The following BACE1 variants were observed in gnomAD, a reference collection of about 807,000 sequenced individuals.
BACE1 encodes APP beta-secretase.
BACE1 carries 21 observed loss-of-function variants against 54.0 expected under a neutral mutation model. The ratio of observed to expected loss-of-function variants is 0.39; its 90% CI spans 0.28 to 0.56. The LOEUF is 0.56. BACE1 is among the 20% of genes least tolerant of loss of function. The pLI is 0.63. For synonymous variants in BACE1, 232 were observed against 260.9 expected (o/e 0.89, Z 1.07); for missense variants, 511 against 661.2 (o/e 0.77, Z 2.49).
chr11:117,291,910 A>G (rs1350868349), intron 5 of BACE1, 97 bp from the exon 6 acceptor site: 6 of 807,942 alleles, frequency 7.4e-6, no homozygotes, highest in Non-Finnish European at 1.3e-5. Context: ...CTGGGTTGGC[A>G]TCTTGGCTTT....
intron 1 of BACE1, among the ~76,000 whole-genome samples, chr11:117,305,386 C>T (rs956023641): frequency 1.3e-5 from 2 of 152,186 alleles, no homozygotes; most frequent in African/African-American, 4.8e-5. Context: ...GTCCAGGTTC[C>T]TCCCACCTTG....
At chr11:117,314,593 A>T (rs1457328428) in intron 1 of BACE1, 1 of 152,522 alleles carries the variant, frequency 6.6e-6, no homozygotes, top group African/African-American at 2.4e-5. Context: ...GCATACACAG[A>T]ACCACAGGGC....
chr11:117,287,688 A>G lies in BACE1; in HGVS notation c.*1878T>C, dbSNP rs2034298842. The G allele has an allele frequency of 6.6e-6, 1 of 152,624 alleles. No homozygotes were observed. The highest frequency in any genetic ancestry group is 2.1e-4 in the South Asian group (1 of 4,834). 9.5% of individuals were successfully genotyped at this position (152,624 alleles called of 1,614,324 possible). ...GTTCTGAAAGTTTATTTACACAGTA[A>G]GTTCCGAGCTAGAAGTGGACAGTCT... On this transcript the variant is annotated 3_prime_UTR_variant, in exon 9 of 9. Coordinates refer to ENST00000313005, the MANE Select transcript of BACE1 (RefSeq NM_012104.6).
chr11:117,294,455 ACCT>A (rs2034544492), intron 3 of BACE1: 1 of 153,996 alleles, frequency 6.5e-6, no homozygotes, highest in Admixed American at 6.5e-5. Flanking sequence ...TGAACTTCTG[ACCT>A]CAGGTCATCC....
In BACE1 at chr11:117,289,535, G is replaced by A. The variant is rs369658783; in HGVS notation, c.*31C>T. 1.2e-6 allele frequency: 2 copies of A among 1,610,876 alleles called. No homozygotes were observed. The highest frequency in any genetic ancestry group is 2.7e-5 in the African/African-American group (2 of 74,856). ...AGTGAACCACGGAGGTGTGGTCCAGGGGAATCTCTATCTTCTGCCCATGGG... is the reference window on the plus strand; with the variant it reads ...AGTGAACCACGGAGGTGTGGTCCAGAGGAATCTCTATCTTCTGCCCATGGG... On this transcript the variant is annotated 3_prime_UTR_variant, in exon 9 of 9. Transcript: ENST00000313005.
In BACE1 at chr11:117,315,705, G is replaced by T. The variant is rs1453895083; in HGVS notation, c.91C>A (p.Arg31Ser). Reference sequence around the variant, plus strand: ...AGGGGGGCGCCCCCCAGGCCGCTGCGCAGGGGCAGCCGGATGCCGTGCTGG... The same window carrying T: ...AGGGGGGCGCCCCCCAGGCCGCTGCTCAGGGGCAGCCGGATGCCGTGCTGG... ...GTQHGIRLPL[R>S]SGLGGAPLGL... The change falls in exon 1 of 9, where the codon CGC becomes AGC. Residue 31 changes from arginine (R) to serine (S), a missense_variant. Coordinates refer to ENST00000313005, the MANE Select transcript of BACE1 (RefSeq NM_012104.6). This position sits in a 1 kb window ranked among gnomAD's most constrained non-coding sequence, Gnocchi z 5.5. 2.7e-6 allele frequency: 4 copies of T among 1,501,292 alleles called. No individual in the cohort carries two copies. The highest frequency in any genetic ancestry group is 1.3e-5 in the South Asian group (1 of 78,690). The allele number at this position is 1,501,292 out of a possible 1,614,324, so 93.0% of individuals were successfully genotyped here.
chr11:117,293,735 G>A lies in BACE1; in HGVS notation c.705+136C>T, dbSNP rs551952142. On this transcript the variant is annotated intron_variant, in intron 4 of 8. Transcript: ENST00000313005. This position sits in a 1 kb window ranked among gnomAD's most constrained non-coding sequence, Gnocchi z 4.1. ...GAAAAGAATGGAAAAATAAAGTAAG[G>A]GTAGGGAATATAAAGAGGTTCCTCC... 6 of 863,916 alleles carry A rather than the reference G, an allele frequency of 6.9e-6. No individual in the cohort carries two copies. The South Asian group carries it at 1.7e-4, about 24-fold the overall frequency. 53.5% of individuals were successfully genotyped at this position (863,916 alleles called of 1,614,324 possible).
At position 117,315,436 on chromosome 11, in the gene BACE1, C is replaced by G; in HGVS notation, c.261+99G>C. On this transcript the variant is annotated intron_variant, in intron 1 of 8. Transcript: ENST00000313005. The surrounding 1 kb of genome is among the most constrained non-coding windows in gnomAD (Gnocchi z 5.5). ...GGGGAGGGGTCCCTCCTGCTGTCCC[C>G]ACCAGCCCATTTGAGCAGGGGCTAG... 6.8e-7 allele frequency: 1 copy of G among 1,472,316 alleles called. No individual in the cohort carries two copies. Among genetic ancestry groups the G allele is most frequent in the Non-Finnish European group, 9.0e-7 (1 of 1,109,074 alleles). The allele number at this position is 1,472,316 out of a possible 1,614,324, so 91.2% of individuals were successfully genotyped here.
intron 1 of BACE1, among the ~76,000 whole-genome samples, chr11:117,300,433 C>G (rs912806078): frequency 2.6e-4 from 40 of 152,078 alleles, no homozygotes; most frequent in African/African-American, 9.0e-4. Context: ...CAGCCTTTTC[C>G]CCACCCCTGC....
At position 117,288,526 on chromosome 11, in the gene BACE1, G is replaced by T. The variant is rs2034324570; in HGVS notation, c.*1040C>A. The T allele has an allele frequency of 6.6e-6, 1 of 152,660 alleles. No individual in the cohort carries two copies. The highest frequency in any genetic ancestry group is 2.4e-5 in the African/African-American group (1 of 41,452). 9.5% of individuals were successfully genotyped at this position (152,660 alleles called of 1,614,324 possible). On this transcript the variant is annotated 3_prime_UTR_variant, in exon 9 of 9. Coordinates refer to ENST00000313005, the MANE Select transcript of BACE1 (RefSeq NM_012104.6). ...TTCCTTTTAGCACCTTGGCTGCAAA[G>T]CTCCAGAGGAAGATTTGGGGGAAAG...
In BACE1 at chr11:117,289,740, G is replaced by A. The variant is rs780113492; in HGVS notation, c.1332C>T (p.Gly444=). The A allele has an allele frequency of 1.2e-5, 19 of 1,614,102 alleles. No individual in the cohort carries two copies. In the Admixed American group the frequency reaches 3.2e-4, roughly 27 times the overall value. ...ACTCATCTGTCTGTGGAATGTTGTA[G>A]CCACAGTCTTCCATGTCCAAGGTGA... ...PFVTLDMEDC[G]YNIPQTDEST... The change falls in exon 9 of 9, where the codon GGC becomes GGT. Residue 444 remains glycine, a synonymous_variant. Coordinates refer to ENST00000313005, the MANE Select transcript of BACE1 (RefSeq NM_012104.6).
chr11:117,291,780 T>TG lies in BACE1; in HGVS notation c.873dup (p.Thr292HisfsTer12). The TG allele has an allele frequency of 6.2e-7, 1 of 1,613,328 alleles. No individual in the cohort carries two copies. The highest frequency in any genetic ancestry group is 8.5e-7 in the Non-Finnish European group (1 of 1,179,438). On this transcript the variant is annotated frameshift_variant, in exon 6 of 9. Coordinates refer to ENST00000313005, the MANE Select transcript of BACE1 (RefSeq NM_012104.6). LOFTEE classifies it high-confidence loss of function. ...TTCTTGGGCAAACGAAGGTTGGTGG[T>TG]GCCACTGTCCACAATGCTCTTGTCA...
chr11:117,296,873 A>G lies in BACE1; in HGVS notation c.350T>C (p.Leu117Pro). Residue 117 changes from leucine (L) to proline (P), a missense_variant and splice_region_variant, in exon 2 of 9, where the codon CTG becomes CCG. Around this residue, in one of 2 missense-constraint regions of BACE1, gnomAD observed 407 missense variants for 565.7 expected, o/e 0.72. Coordinates refer to ENST00000313005, the MANE Select transcript of BACE1 (RefSeq NM_012104.6). ...PFLHRYYQRQLSSTYRDLRKG... is the reference protein window; with the variant it reads ...PFLHRYYQRQPSSTYRDLRKG... Reference sequence around the variant, plus strand: ...CCCCCGGGCTCTCCCCAGGACTCACAGCTGCCTCTGGTAGTAGCGATGCAG... The same window carrying G: ...CCCCCGGGCTCTCCCCAGGACTCACGGCTGCCTCTGGTAGTAGCGATGCAG... 6.2e-7 allele frequency: 1 copy of G among 1,612,402 alleles called. No homozygotes were observed. The highest frequency in any genetic ancestry group is 8.5e-7 in the Non-Finnish European group (1 of 1,179,018).
In BACE1 at chr11:117,288,683, G is replaced by C. The variant is rs1272443493; in HGVS notation, c.*883C>G. 1 of 152,574 alleles carries C rather than the reference G, an allele frequency of 6.6e-6. No homozygotes were observed. The highest frequency in any genetic ancestry group is 2.4e-5 in the African/African-American group (1 of 41,430). 9.5% of individuals were successfully genotyped at this position (152,574 alleles called of 1,614,324 possible). ...CATATGTAGAATAAAGGGTGGTTCA[G>C]ATAGAGACAATGAAATTAATATGGC... On this transcript the variant is annotated 3_prime_UTR_variant, in exon 9 of 9. Coordinates refer to ENST00000313005, the MANE Select transcript of BACE1 (RefSeq NM_012104.6).
At position 117,288,238 on chromosome 11, in the gene BACE1, A is replaced by G. The variant is rs914163274; in HGVS notation, c.*1328T>C. 6 of 152,290 alleles carry G rather than the reference A, an allele frequency of 3.9e-5. No homozygotes were observed. Among genetic ancestry groups the G allele is most frequent in the African/African-American group, 1.4e-4 (6 of 41,450 alleles). The allele number at this position is 152,290 out of a possible 1,614,324, so 9.4% of individuals were successfully genotyped here. ...TCCAGGCAGCCTTGATACTGAAGGC[A>G]GTAATGTTAGAGCCATAAAGCACTG... is the stretch of plus-strand genomic sequence containing the variant. On this transcript the variant is annotated 3_prime_UTR_variant, in exon 9 of 9. Coordinates refer to ENST00000313005, the MANE Select transcript of BACE1 (RefSeq NM_012104.6).
In BACE1 at chr11:117,290,884, T is replaced by A. The variant is rs750140317; in HGVS notation, c.1092+16A>T. On this transcript the variant is annotated intron_variant, in intron 7 of 8. Coordinates refer to ENST00000313005, the MANE Select transcript of BACE1 (RefSeq NM_012104.6). Reference sequence around the variant, plus strand: ...TACTTTTAAGAGAGATCCCCCTGACTCAGGCTGGGACATACCTGCGGAAGG... The same window carrying A: ...TACTTTTAAGAGAGATCCCCCTGACACAGGCTGGGACATACCTGCGGAAGG... 6.2e-7 allele frequency: 1 copy of A among 1,612,126 alleles called. No homozygotes were observed. Among genetic ancestry groups the A allele is most frequent in the Admixed American group, 1.7e-5 (1 of 59,858 alleles).
Position 117,315,680 on chromosome 11 carries a change from AG to A in BACE1, c.115del (p.Leu39TrpfsTer29), listed in dbSNP as rs1555069509. On this transcript the variant is annotated frameshift_variant, in exon 1 of 9. Transcript: ENST00000313005. LOFTEE classifies it high-confidence loss of function. The surrounding 1 kb of genome is among the most constrained non-coding windows in gnomAD (Gnocchi z 5.5). Reference protein sequence around the residue: ...PLRSGLGGAPLGLRLPRETDE... With the variant: ...PLRSGLGGAPXGLRLPRETDE... ...GGTCTCCCGGGGCAGCCGCAGCCCC[AG>A]GGGGGCGCCCCCCAGGCCGCTGCGC... is the stretch of plus-strand genomic sequence containing the variant. 4 of 1,528,688 alleles carry A rather than the reference AG, an allele frequency of 2.6e-6. No homozygotes were observed. The highest frequency in any genetic ancestry group is 2.6e-5 in the East Asian group (1 of 37,768). 94.7% of individuals were successfully genotyped at this position (1,528,688 alleles called of 1,614,324 possible).
intron 1 of BACE1, chr11:117,299,822 C>T: frequency 3.8e-6 from 1 of 266,596 alleles, no homozygotes; most frequent in South Asian, 3.1e-5. Context: ...TCCCCATTCT[C>T]AGGACTCAGC....
intron 1 of BACE1, among the ~76,000 whole-genome samples, chr11:117,312,907 C>T (rs775888154): frequency 2.0e-5 from 3 of 152,204 alleles, no homozygotes; most frequent in African/African-American, 7.2e-5. Flanking sequence ...AGTATATCTG[C>T]ATGGATGACC....
Sources: gnomAD v4.1 joint callset for allele counts (sites outside exome capture counted in the v4.1 genomes callset) on GRCh38, gnomAD v4.1.1 for gene constraint, gnomAD v4.1.1 regional missense constraint, Gnocchi (gnomAD v3.1) non-coding constraint, MANE v1.5 for transcripts, NCBI Gene and HGNC (gene_info 2026-07-23, HGNC 2026-07-21) for gene names.